The following PHACTR3 variants were observed in gnomAD, a reference collection of about 807,000 sequenced individuals.
PHACTR3 encodes the protein phosphatase and actin regulator 3.
In PHACTR3, 16 loss-of-function variants were observed where a neutral mutation model predicts 66.8. The ratio of observed to expected loss-of-function variants is 0.24; its 90% confidence interval spans 0.16 to 0.36. The LOEUF (loss-of-function observed/expected upper bound fraction) is 0.36. Among genes scored for constraint, PHACTR3 ranks in the 10% least tolerant of loss-of-function variants. The probability of loss-of-function intolerance (pLI) is 1.00; values close to 1 mark genes in which losing one functional copy is unlikely to be tolerated. For missense variants in PHACTR3, 647 were observed against 719.9 expected (o/e 0.90, Z 1.16); for synonymous variants, 323 against 292.1 (o/e 1.11, Z -1.08).
chr20:59,666,663 A>T (rs1212105613), intron 1 of PHACTR3, among the ~76,000 whole-genome samples: 1 of 152,204 alleles, frequency 6.6e-6, no homozygotes, highest in Non-Finnish European at 1.5e-5. Flanking sequence ...AGAGAGATAG[A>T]GAAACAGGGA....
rs1029951381 is a variant in PHACTR3, at chr20:59,613,980, G to A, written c.118+8848G>A. Among the ~76,000 whole-genome samples the A allele has an allele frequency of 3.3e-4, 51 of 152,334 alleles. 1 individual carries two copies. Among genetic ancestry groups the A allele is most frequent in the African/African-American group, 1.2e-3 (50 of 41,570 alleles). On this transcript the variant is annotated intron_variant, in intron 1 of 12. Transcript: ENST00000371015. ...ATTGTCAACTCTTGTTATAAAAGGA[G>A]CCATCATACTTCCTTTTATTGAATA...
rs980955091 is a variant in PHACTR3, at chr20:59,752,214, C to G, written c.359-2968C>G. On this transcript the variant is annotated intron_variant, in intron 3 of 12. Coordinates refer to ENST00000371015, the MANE Select transcript of PHACTR3 (RefSeq NM_080672.5). Reference sequence around the variant, plus strand: ...CGTGTGCACACACATGCACGTGCACCTGTGTGCACCCACCTGTGCTTGCAC... The same window carrying G: ...CGTGTGCACACACATGCACGTGCACGTGTGTGCACCCACCTGTGCTTGCAC... Among the ~76,000 whole-genome samples the G allele has an allele frequency of 3.9e-5, 6 of 152,300 alleles. No homozygotes were observed. The East Asian group carries it at 1.2e-3, about 30-fold the overall frequency.
intron 1 of PHACTR3, among the ~76,000 whole-genome samples, chr20:59,644,401 G>T (rs982114956): frequency 5.3e-5 from 8 of 152,192 alleles, no homozygotes; most frequent in African/African-American, 1.9e-4. Context: ...CCATGACATT[G>T]GTTGTTCAGT....
chr20:59,818,607 A>G (rs1435709308), intron 8 of PHACTR3, among the ~76,000 whole-genome samples: 1 of 152,202 alleles, frequency 6.6e-6, no homozygotes, highest in Non-Finnish European at 1.5e-5. Flanking sequence ...TCCAGTCCCT[A>G]GAATGGTACT....
chr20:59,721,842 C>CCATTACGATTACAGGCATG (rs1555823034), intron 1 of PHACTR3, among the ~76,000 whole-genome samples: 1 of 152,134 alleles, frequency 6.6e-6, no homozygotes, highest in Non-Finnish European at 1.5e-5. Flanking sequence ...GTTGGACAAA[C>CCATTACGATTACAGGCATG]AGACAAAGTC....
intron 8 of PHACTR3, among the ~76,000 whole-genome samples, chr20:59,809,716 A>G (rs2041677419): frequency 6.6e-6 from 1 of 152,150 alleles, no homozygotes. Flanking sequence ...GTGAGGACCA[A>G]GTTGTCAGTA....
chr20:59,597,614 G>T (rs751866747), intron 1 of PHACTR3, among the ~76,000 whole-genome samples: 3 of 152,216 alleles, frequency 2.0e-5, no homozygotes, highest in Non-Finnish European at 2.9e-5. Context: ...GGCAATCATT[G>T]TAAAGTTTTT....
At chr20:59,696,192 C>A (rs114047952) in intron 1 of PHACTR3, among the ~76,000 whole-genome samples, 281 of 152,308 alleles carry the variant, frequency 1.8e-3, no homozygotes, top group African/African-American at 6.4e-3. Context: ...TTGGTGCTAG[C>A]ACACAATAAA....
intron 1 of PHACTR3, among the ~76,000 whole-genome samples, chr20:59,723,028 TTTTA>T (rs1252726708): frequency 6.6e-6 from 1 of 151,926 alleles, no homozygotes; most frequent in Non-Finnish European, 1.5e-5. Flanking sequence ...TTTTTTTCTT[TTTTA>T]TTTATTTCTC....
intron 3 of PHACTR3, among the ~76,000 whole-genome samples, chr20:59,748,142 G>A (rs532331053): frequency 6.6e-6 from 1 of 152,324 alleles, no homozygotes; most frequent in South Asian, 2.1e-4. Flanking sequence ...TTCCTTTAAA[G>A]TGGTAGCAGT....
intron 1 of PHACTR3, among the ~76,000 whole-genome samples, chr20:59,617,439 A>G (rs1455375921): frequency 6.6e-6 from 1 of 152,246 alleles, no homozygotes; most frequent in Non-Finnish European, 1.5e-5. Context: ...ACATTTGTTA[A>G]TGATTGGTCT....
intron 1 of PHACTR3, among the ~76,000 whole-genome samples, chr20:59,647,615 T>G (rs1279865195): frequency 3.3e-5 from 5 of 152,168 alleles, no homozygotes; most frequent in Non-Finnish European, 7.3e-5. Flanking sequence ...TTCCATCTCT[T>G]TCCCCACTAG....
chr20:59,761,277 G>A (rs1423778304), intron 4 of PHACTR3, among the ~76,000 whole-genome samples: 1 of 152,054 alleles, frequency 6.6e-6, no homozygotes, highest in Non-Finnish European at 1.5e-5. Context: ...CTTAACCACT[G>A]CCTGGGGCCT....
chr20:59,674,109 C>A (rs1051744431), intron 1 of PHACTR3, among the ~76,000 whole-genome samples: 1 of 152,160 alleles, frequency 6.6e-6, no homozygotes, highest in Non-Finnish European at 1.5e-5. Flanking sequence ...GAGCCAGCCT[C>A]GGCTGTCAGT....
chr20:59,761,228 C>T (rs2039983009), intron 4 of PHACTR3, among the ~76,000 whole-genome samples: 1 of 152,038 alleles, frequency 6.6e-6, no homozygotes, highest in South Asian at 2.1e-4. Flanking sequence ...GTGCCTCCCT[C>T]CCTGTGCCCT....
intron 1 of PHACTR3, among the ~76,000 whole-genome samples, chr20:59,723,686 G>A (rs190856499): frequency 1.1e-4 from 16 of 152,140 alleles, no homozygotes; most frequent in African/African-American, 3.9e-4. Flanking sequence ...ATCGTACGGT[G>A]ACTCGGTCAT....
chr20:59,798,389 A>G (rs548944868), intron 7 of PHACTR3, among the ~76,000 whole-genome samples: 3 of 152,328 alleles, frequency 2.0e-5, no homozygotes, highest in African/African-American at 7.2e-5. Flanking sequence ...CATTCAAACC[A>G]TAAAAACTTC....
At chr20:59,740,898 C>T (rs755503954) in intron 1 of PHACTR3, among the ~76,000 whole-genome samples, 3 of 152,202 alleles carry the variant, frequency 2.0e-5, no homozygotes, top group Non-Finnish European at 4.4e-5. Flanking sequence ...TCTGCAGAGC[C>T]CAGATTCAGA....
chr20:59,755,891 C>T (rs369499535), intron 4 of PHACTR3, among the ~76,000 whole-genome samples: 85 of 152,248 alleles, frequency 5.6e-4, no homozygotes, highest in South Asian at 3.5e-3. Context: ...GGGGCTCTTC[C>T]GCTGCTTCTT....
Sources: gnomAD v4.1 joint callset for allele counts (sites outside exome capture counted in the v4.1 genomes callset) on GRCh38, gnomAD v4.1.1 for gene constraint, MANE v1.5 for transcripts, NCBI Gene and HGNC (gene_info 2026-07-23, HGNC 2026-07-21) for gene names.